The following PPARGC1A variants were observed in gnomAD, a reference collection of about 807,000 sequenced individuals.
The protein encoded by PPARGC1A is peroxisome proliferator-activated receptor gamma coactivator 1-alpha.
In PPARGC1A, 25 loss-of-function variants were observed where a neutral mutation model predicts 88.7. The observed-to-expected ratio is 0.28, with a 90% CI of 0.21 to 0.39. PPARGC1A has a LOEUF of 0.39. Ranked by LOEUF, PPARGC1A falls within the 10% of genes least tolerant of loss-of-function variation. The pLI is 1.00. For missense variants in PPARGC1A, 880 were observed against 968.7 expected (o/e 0.91, Z 1.22); for synonymous variants, 363 against 355.6 (o/e 1.02, Z -0.24).
chr4:24,403,977 A>C, the PPARGC1A span, among the ~76,000 whole-genome samples: 2 of 152,206 alleles, frequency 1.3e-5, no homozygotes, highest in South Asian at 4.2e-4. Flanking sequence ...TTAAAAGGTG[A>C]CTGAGGCCAG....
chr4:24,317,882 A>G, the PPARGC1A span, among the ~76,000 whole-genome samples: 2 of 152,194 alleles, frequency 1.3e-5, no homozygotes, highest in Non-Finnish European at 2.9e-5. Context: ...GATAAAAAGG[A>G]ATCTGTGGGC....
At chr4:24,318,567 G>A in the PPARGC1A span, among the ~76,000 whole-genome samples, 2 of 152,198 alleles carry the variant, frequency 1.3e-5, no homozygotes, top group Admixed American at 6.5e-5. Context: ...AGTTTCATGA[G>A]AATGCCTATT....
the PPARGC1A span, among the ~76,000 whole-genome samples, chr4:24,210,727 T>A: frequency 6.6e-6 from 1 of 152,230 alleles, no homozygotes; most frequent in East Asian, 1.9e-4. Context: ...TGCTTGATCA[T>A]CTACAATTCC....
At chr4:23,892,643 C>T (rs1718026346), upstream of PPARGC1A, among the ~76,000 whole-genome samples, 1 of 150,932 alleles carries the variant, frequency 6.6e-6, no homozygotes, top group Non-Finnish European at 1.5e-5. Context: ...ATTTAATTCT[C>T]TCTCTGCTTT....
At chr4:24,470,173 G>A in the PPARGC1A span, among the ~76,000 whole-genome samples, 1 of 151,970 alleles carries the variant, frequency 6.6e-6, no homozygotes, top group Non-Finnish European at 1.5e-5. This position sits in a 1 kb window ranked among gnomAD's most constrained non-coding sequence, Gnocchi z 5.8. Context: ...GAGGATGCCC[G>A]AATGCCGGCC....
At chr4:24,066,240 A>C in the PPARGC1A span, among the ~76,000 whole-genome samples, 4 of 152,108 alleles carry the variant, frequency 2.6e-5, no homozygotes, top group Non-Finnish European at 5.9e-5. Flanking sequence ...CTCTCTAAAA[A>C]GCAAGTGGAC....
At chr4:24,200,005 C>T in the PPARGC1A span, among the ~76,000 whole-genome samples, 14 of 151,804 alleles carry the variant, frequency 9.2e-5, no homozygotes, top group Non-Finnish European at 1.9e-4. Flanking sequence ...TATTAACAGA[C>T]AATAAATAAA....
intron 2 of PPARGC1A, among the ~76,000 whole-genome samples, chr4:23,855,279 A>T (rs1380707417): frequency 6.6e-6 from 1 of 152,134 alleles, no homozygotes; most frequent in Non-Finnish European, 1.5e-5. Flanking sequence ...AGACTGGACT[A>T]ATATACCCAT....
the PPARGC1A span, among the ~76,000 whole-genome samples, chr4:24,245,882 T>C: frequency 6.6e-6 from 1 of 152,108 alleles, no homozygotes; most frequent in Admixed American, 6.5e-5. Context: ...TGTTTTATTA[T>C]TAGTACATGG....
the PPARGC1A span, among the ~76,000 whole-genome samples, chr4:24,000,694 G>A: frequency 5.1e-4 from 78 of 152,020 alleles, 3 homozygotes; most frequent in South Asian, 2.1e-4. Flanking sequence ...ATTCCCTGAC[G>A]CTAGGCAGCT....
At chr4:23,818,972 T>C (rs545065564) in intron 7 of PPARGC1A, among the ~76,000 whole-genome samples, 1 of 149,838 alleles carries the variant, frequency 6.7e-6, no homozygotes, top group Middle Eastern at 3.5e-3. Context: ...TTCAGGTATT[T>C]AAGAAAAAAA....
the PPARGC1A span, among the ~76,000 whole-genome samples, chr4:24,397,166 G>A: frequency 1.3e-5 from 2 of 152,072 alleles, no homozygotes; most frequent in African/African-American, 4.8e-5. Flanking sequence ...TCAAAGAAGA[G>A]TAAATTAAAA....
chr4:23,981,555 C>G, the PPARGC1A span, among the ~76,000 whole-genome samples: 1 of 152,066 alleles, frequency 6.6e-6, no homozygotes, highest in Non-Finnish European at 1.5e-5. Flanking sequence ...ATCAGCATCA[C>G]TGACCAAAGA....
chr4:24,194,240 A>G, the PPARGC1A span, among the ~76,000 whole-genome samples: 5 of 152,178 alleles, frequency 3.3e-5, no homozygotes, highest in Admixed American at 3.3e-4. Flanking sequence ...GTATTTTCTT[A>G]GTGCTAGGTA....
the PPARGC1A span, among the ~76,000 whole-genome samples, chr4:23,981,968 T>A: frequency 6.6e-6 from 1 of 151,852 alleles, no homozygotes; most frequent in Non-Finnish European, 1.5e-5. Context: ...AGAAGGAAAA[T>A]GTAAGGCCAA....
intron 2 of PPARGC1A, among the ~76,000 whole-genome samples, chr4:23,882,318 A>G (rs1233289150): frequency 2.0e-5 from 3 of 152,332 alleles, no homozygotes; most frequent in Non-Finnish European, 2.9e-5. Context: ...GTAGCTTACT[A>G]TGTCTTCTCT....
chr4:24,449,237 G>C, the PPARGC1A span, among the ~76,000 whole-genome samples: 1 of 152,104 alleles, frequency 6.6e-6, no homozygotes, highest in African/African-American at 2.4e-5. Flanking sequence ...GAACTCCTTG[G>C]GGAGATGGAT....
chr4:23,828,536 G>A lies in PPARGC1A; in HGVS notation c.621C>T (p.Cys207=), dbSNP rs1724408506. ...CQQQKPQRRP[C]SELLKYLTTN... is the part of the protein sequence containing the mutation. ...TGGTCAGATATTTGAGAAGCTCCGA[G>A]CAGGGACGTCTTTGTGGCTTTTGCT... The change falls in exon 5 of 13, where the codon TGC becomes TGT. Residue 207 remains cysteine (C), a synonymous_variant. Coordinates refer to ENST00000264867, the MANE Select transcript of PPARGC1A (RefSeq NM_013261.5). 29 of 1,614,024 alleles carry A rather than the reference G, an allele frequency of 1.8e-5. No homozygotes were observed. Among genetic ancestry groups the A allele is most frequent in the Non-Finnish European group, 2.3e-5 (27 of 1,180,010 alleles).
chr4:23,824,656 A>G (rs753952003), intron 5 of PPARGC1A, 148 bp from the exon 6 acceptor site: 1 of 731,618 alleles, frequency 1.4e-6, no homozygotes, highest in African/African-American at 1.8e-5. Flanking sequence ...AGTCAGACAA[A>G]AGTCCATTAT....
Sources: gnomAD v4.1 joint callset for allele counts (sites outside exome capture counted in the v4.1 genomes callset) on GRCh38, gnomAD v4.1.1 for gene constraint, Gnocchi (gnomAD v3.1) non-coding constraint, MANE v1.5 for transcripts, NCBI Gene and HGNC (gene_info 2026-07-23, HGNC 2026-07-21) for gene names.